BICRAL: variants seen among roughly 807,000 people sequenced by gnomAD.
BICRAL encodes the protein BICRA like chromatin remodeling complex associated protein.
A neutral mutation model predicts 91.8 loss-of-function variants in BICRAL; 8 were observed. The ratio of observed to expected loss-of-function variants is 0.09; its 90% confidence interval spans 0.05 to 0.16. The LOEUF (loss-of-function observed/expected upper bound fraction) is 0.16, where lower values mean the gene tolerates loss of function less well. Among genes scored for constraint, BICRAL ranks in the 10% least tolerant of loss-of-function variants. The probability of loss-of-function intolerance (pLI) is 1.00; values close to 1 mark genes in which losing one functional copy is unlikely to be tolerated. For synonymous variants in BICRAL, 445 were observed against 491.1 expected (o/e 0.91, Z 1.24); for missense variants, 1,038 against 1,310.9 (o/e 0.79, Z 3.21).
rs144159491 is a variant in BICRAL at position 42,829,773 on chromosome 6, C to T, written c.1440C>T (p.Ala480=). Residue 480 remains alanine, a synonymous_variant, in exon 6 of 13, where the codon GCC becomes GCT. Coordinates refer to ENST00000314073, the MANE Select transcript of BICRAL (RefSeq NM_001393499.1). Reference sequence around the variant, plus strand: ...TAGTGTCTGGGCAGACATTTGCTGCCTCTGGAAGTCCAGTGATAGCCAATC... The same window carrying T: ...TAGTGTCTGGGCAGACATTTGCTGCTTCTGGAAGTCCAGTGATAGCCAATC... The part of the protein sequence containing the change: ...VHLVSGQTFA[A]SGSPVIANHA... 1.9e-6 allele frequency: 3 copies of T among 1,614,078 alleles called. No individual in the cohort carries two copies. In the African/African-American group the frequency reaches 4.0e-5, roughly 22 times the overall value.
intron 1 of BICRAL, among the ~76,000 whole-genome samples, chr6:42,763,505 CG>C (rs1166529852): frequency 1.3e-5 from 2 of 152,110 alleles, no homozygotes; most frequent in African/African-American, 4.8e-5. Flanking sequence ...TATGATGTGC[CG>C]CTTTTCTTGA....
rs1765377673 is a variant in BICRAL at position 42,856,943 on chromosome 6, A to G, written c.2109-148A>G. 15 of 633,188 alleles carry G rather than the reference A, an allele frequency of 2.4e-5. 1 individual carries two copies. Among genetic ancestry groups the G allele is most frequent in the Non-Finnish European group, 3.7e-5 (14 of 377,170 alleles). 39.2% of individuals were successfully genotyped at this position (633,188 alleles called of 1,614,324 possible). Reference sequence around the variant, plus strand: ...TCTGTGGGGCTAGTTAAACTAAGTTATAAACCCACTATGGTATAAAAAATA... The same window carrying G: ...TCTGTGGGGCTAGTTAAACTAAGTTGTAAACCCACTATGGTATAAAAAATA... On this transcript the variant is annotated intron_variant, in intron 9 of 12. Coordinates refer to ENST00000314073, the MANE Select transcript of BICRAL (RefSeq NM_001393499.1).
intron 7 of BICRAL, among the ~76,000 whole-genome samples, chr6:42,853,077 A>G (rs1439931937): frequency 6.6e-6 from 1 of 151,912 alleles, no homozygotes; most frequent in Non-Finnish European, 1.5e-5. Flanking sequence ...AAAAAAAAAA[A>G]AAAAAGAAAA....
Position 42,849,550 on chromosome 6 carries a change from C to T in BICRAL, c.1840-2542C>T, listed in dbSNP as rs891528666. Among the ~76,000 whole-genome samples, 6 of 151,818 alleles carry T rather than the reference C, an allele frequency of 4.0e-5. No homozygotes were observed. In the East Asian group the frequency reaches 1.2e-3, roughly 29 times the overall value. ...CGCCTCCCAGGTTCACGCCATTCTC[C>T]TGCCTCAGCTTCTCAAGTAGCTGGG... On this transcript the variant is annotated intron_variant, in intron 6 of 12. Transcript: ENST00000314073.
rs1389297440 is a variant in BICRAL, at chr6:42,859,887, C to T, written c.2255-375C>T. Among the ~76,000 whole-genome samples the T allele has an allele frequency of 3.9e-5, 6 of 151,988 alleles. No homozygotes were observed. In the East Asian group the frequency reaches 7.7e-4, roughly 20 times the overall value. On this transcript the variant is annotated intron_variant, in intron 10 of 12. Transcript: ENST00000314073. ...GTCTCCATCTCCTGACCTCGTGATC[C>T]GCCCACCTCGGCCTCCCAAAGTGCT...
chr6:42,766,259 TG>T (rs765367200), intron 1 of BICRAL, among the ~76,000 whole-genome samples: 142 of 152,288 alleles, frequency 9.3e-4, no homozygotes, highest in East Asian at 3.9e-4. Context: ...TGCCCAGAGC[TG>T]GGGCTTTTCC....
At chr6:42,783,617 G>T (rs1007175579) in intron 1 of BICRAL, among the ~76,000 whole-genome samples, 12 of 152,210 alleles carry the variant, frequency 7.9e-5, no homozygotes, top group Non-Finnish European at 1.8e-4. Flanking sequence ...CTGAATTCTG[G>T]AGATGGGACT....
intron 1 of BICRAL, among the ~76,000 whole-genome samples, chr6:42,783,029 A>C (rs892983896): frequency 6.6e-6 from 1 of 151,656 alleles, no homozygotes; most frequent in Admixed American, 6.6e-5. Context: ...TTTATTTTTC[A>C]TCCTGGCTTC....
At chr6:42,814,101 T>TA (rs1172153995) in intron 2 of BICRAL, among the ~76,000 whole-genome samples, 1 of 151,982 alleles carries the variant, frequency 6.6e-6, no homozygotes, top group Non-Finnish European at 1.5e-5. Context: ...AATAATTTGC[T>TA]AACCTCAGCA....
In BICRAL at chr6:42,853,666, C is replaced by T. The variant is rs778711817; in HGVS notation, c.1974C>T (p.Ser658=). Residue 658 remains serine, a synonymous_variant, in exon 8 of 13, where the codon TCC becomes TCT. Coordinates refer to ENST00000314073, the MANE Select transcript of BICRAL (RefSeq NM_001393499.1). ...AGGATTCTGGAAGCAAAGTTATATC[C>T]GCATCCTTAGGAACCGCACAACCAC... The part of the protein sequence containing the change: ...PGQDSGSKVI[S]ASLGTAQPQQ... 1.7e-5 allele frequency: 27 copies of T among 1,613,652 alleles called. No individual in the cohort carries two copies. Among genetic ancestry groups the T allele is most frequent in the Middle Eastern group, 1.6e-4 (1 of 6,062 alleles).
intron 2 of BICRAL, among the ~76,000 whole-genome samples, chr6:42,814,597 C>G (rs1763933006): frequency 6.9e-6 from 1 of 145,742 alleles, no homozygotes; most frequent in Admixed American, 7.1e-5. Flanking sequence ...TCTTGGCTCA[C>G]TGCAGCCTCT....
chr6:42,787,510 C>T (rs1049459641), intron 1 of BICRAL, among the ~76,000 whole-genome samples: 1 of 151,964 alleles, frequency 6.6e-6, no homozygotes, highest in African/African-American at 2.4e-5. Context: ...AAACTCTGGT[C>T]TCCCACACAG....
At chr6:42,821,962 C>A in intron 2 of BICRAL, 56 bp from the exon 3 acceptor site, 1 of 1,059,862 alleles carries the variant, frequency 9.4e-7, no homozygotes, top group Non-Finnish European at 1.5e-6. Flanking sequence ...TGCATTGATA[C>A]TACTGTCTTT....
intron 1 of BICRAL, among the ~76,000 whole-genome samples, chr6:42,800,715 A>G (rs946426165): frequency 6.6e-6 from 1 of 152,140 alleles, no homozygotes; most frequent in Non-Finnish European, 1.5e-5. Context: ...ACATCCGGCT[A>G]TGTCCACACA....
At chr6:42,809,357 A>G (rs1196222981) in intron 1 of BICRAL, among the ~76,000 whole-genome samples, 1 of 151,946 alleles carries the variant, frequency 6.6e-6, no homozygotes, top group Non-Finnish European at 1.5e-5. Context: ...AAGACCTTCA[A>G]ATTCTTCATT....
In BICRAL at chr6:42,860,368, G is replaced by A. The variant is rs369310038; in HGVS notation, c.2349+12G>A. On this transcript the variant is annotated intron_variant, in intron 11 of 12. Transcript: ENST00000314073. ...TAGAAGATGCCATGGTAAAAGTCATGCTACTGATATTTGTTCTTTAAAACT... is the reference window on the plus strand; with the variant it reads ...TAGAAGATGCCATGGTAAAAGTCATACTACTGATATTTGTTCTTTAAAACT... 15 of 1,505,028 alleles carry A rather than the reference G, an allele frequency of 1.0e-5. No individual in the cohort carries two copies. The highest frequency in any genetic ancestry group is 9.6e-5 in the African/African-American group (7 of 72,812). The allele number at this position is 1,505,028 out of a possible 1,614,324, so 93.2% of individuals were successfully genotyped here.
chr6:42,790,451 C>T lies in BICRAL; in HGVS notation c.-102+8350C>T, dbSNP rs546835588. Among the ~76,000 whole-genome samples, 21 of 146,106 alleles carry T rather than the reference C, an allele frequency of 1.4e-4. No individual in the cohort carries two copies. The South Asian group carries it at 4.4e-3, about 30-fold the overall frequency. Reference sequence around the variant, plus strand: ...TTTCCCTCCCAAAGTGCTGGGATTACAGGCGTGAGCCACTGCATCCTGCCG... The same window carrying T: ...TTTCCCTCCCAAAGTGCTGGGATTATAGGCGTGAGCCACTGCATCCTGCCG... On this transcript the variant is annotated intron_variant, in intron 1 of 12. Transcript: ENST00000314073.
intron 1 of BICRAL, among the ~76,000 whole-genome samples, chr6:42,794,968 A>G (rs1365404881): frequency 6.6e-6 from 1 of 151,740 alleles, no homozygotes; most frequent in Non-Finnish European, 1.5e-5. Context: ...TCTCAAAAAA[A>G]AAAAAGAAAC....
intron 6 of BICRAL, among the ~76,000 whole-genome samples, chr6:42,830,569 A>T (rs1019737724): frequency 6.6e-5 from 10 of 151,552 alleles, no homozygotes; most frequent in African/African-American, 1.9e-4. Context: ...AAAAAAAAAA[A>T]ATTTTTTTTT....
Sources: allele counts gnomAD v4.1 joint callset (sites outside exome capture counted in the v4.1 genomes callset), GRCh38; gene constraint gnomAD v4.1.1; transcripts MANE v1.5; gene names NCBI Gene and HGNC (gene_info 2026-07-23, HGNC 2026-07-21).